KANSL1L: variants seen among roughly 807,000 people sequenced by gnomAD.
The protein encoded by KANSL1L is KAT8 regulatory NSL complex subunit 1-like protein.
KANSL1L carries 25 observed loss-of-function variants against 108.6 expected under a neutral mutation model. The observed-to-expected ratio is 0.23, with a 90% CI of 0.17 to 0.32. The LOEUF (loss-of-function observed/expected upper bound fraction) is 0.32, where lower values mean the gene tolerates loss of function less well. KANSL1L is among the 10% of genes least tolerant of loss of function. KANSL1L has a pLI of 1.00. For synonymous variants in KANSL1L, 405 were observed against 395.1 expected, an observed-to-expected ratio of 1.03 and a Z score of -0.30; for missense variants, 1,137 against 1,125.7, an observed-to-expected ratio of 1.01 and a Z score of -0.14.
At chr2:210,132,895 G>C (rs2095134792) in intron 2 of KANSL1L, among the ~76,000 whole-genome samples, 1 of 152,134 alleles carries the variant, frequency 6.6e-6, no homozygotes, top group African/African-American at 2.4e-5. Flanking sequence ...TTTATTCCTT[G>C]AGTTTCAATG....
At chr2:210,025,858 A>G (rs1333627709) in intron 12 of KANSL1L, among the ~76,000 whole-genome samples, 2 of 152,006 alleles carry the variant, frequency 1.3e-5, no homozygotes, top group African/African-American at 2.4e-5. Flanking sequence ...CTTGTTTCCT[A>G]TTGGTTCATA....
chr2:210,027,691 C>G (rs2093956469), intron 11 of KANSL1L, among the ~76,000 whole-genome samples: 1 of 152,160 alleles, frequency 6.6e-6, no homozygotes, highest in South Asian at 2.1e-4. Context: ...GTATGTTTGC[C>G]AATTTCTTTG....
At chr2:210,076,443 TC>T (rs2094542968) in intron 5 of KANSL1L, among the ~76,000 whole-genome samples, 1 of 152,212 alleles carries the variant, frequency 6.6e-6, no homozygotes, top group African/African-American at 2.4e-5. Flanking sequence ...CATCTTGGCC[TC>T]CCAAAGTGCT....
At chr2:210,061,248 A>G (rs2094416842) in intron 6 of KANSL1L, among the ~76,000 whole-genome samples, 1 of 152,204 alleles carries the variant, frequency 6.6e-6, no homozygotes, top group African/African-American at 2.4e-5. Context: ...CCAATTACCT[A>G]CAACCCGCTT....
intron 2 of KANSL1L, among the ~76,000 whole-genome samples, chr2:210,138,730 T>C (rs1383895237): frequency 3.3e-5 from 5 of 152,176 alleles, no homozygotes; most frequent in Non-Finnish European, 7.3e-5. Flanking sequence ...ATATCCATCA[T>C]CTCATATACT....
At chr2:210,154,757 T>C in intron 1 of KANSL1L, 146 bp from the exon 2 acceptor site, 1 of 440,946 alleles carries the variant, frequency 2.3e-6, no homozygotes, top group Non-Finnish European at 3.8e-6. Context: ...CAACATTATT[T>C]CAACAAAGAT....
chr2:210,043,067 A>G (rs970154047), intron 7 of KANSL1L, among the ~76,000 whole-genome samples: 1 of 152,192 alleles, frequency 6.6e-6, no homozygotes, highest in Non-Finnish European at 1.5e-5. Flanking sequence ...TAGTTCCAAT[A>G]TAGACAAGAG....
chr2:210,023,740 G>T (rs1345547302), intron 14 of KANSL1L, among the ~76,000 whole-genome samples: 1 of 152,142 alleles, frequency 6.6e-6, no homozygotes, highest in Non-Finnish European at 1.5e-5. Context: ...AGCTAACTTT[G>T]GCCATGTAGC....
At position 210,025,138 on chromosome 2, in the gene KANSL1L, A is replaced by G; in HGVS notation, c.2530T>C (p.Trp844Arg). The G allele has an allele frequency of 1.2e-6, 2 of 1,613,336 alleles. No homozygotes were observed. Among genetic ancestry groups the G allele is most frequent in the Non-Finnish European group, 1.7e-6 (2 of 1,179,288 alleles). Residue 844 changes from tryptophan (W) to arginine (R), a missense_variant, in exon 13 of 15, where the codon TGG (tryptophan) becomes CGG (arginine). Coordinates refer to ENST00000281772, the MANE Select transcript of KANSL1L (RefSeq NM_152519.4). ...EEREQARWSLWEQSKWHRRNS... is the reference protein window; with the variant it reads ...EEREQARWSLREQSKWHRRNS... Reference sequence around the variant, plus strand: ...CTTCTGTGCCACTTGCTTTGCTCCCATAGTGACCACCTGGCTTGCTCTCTC... The same window carrying G: ...CTTCTGTGCCACTTGCTTTGCTCCCGTAGTGACCACCTGGCTTGCTCTCTC...
intron 13 of KANSL1L, 82 bp downstream of exon 13, chr2:210,025,022 C>G (rs2125113666): frequency 1.2e-6 from 1 of 835,710 alleles, no homozygotes; most frequent in East Asian, 2.4e-5. Flanking sequence ...TTCCTTTTTA[C>G]TGGTCTCACC....
At chr2:210,137,516 G>C (rs2095184987) in intron 2 of KANSL1L, among the ~76,000 whole-genome samples, 1 of 152,040 alleles carries the variant, frequency 6.6e-6, no homozygotes, top group Non-Finnish European at 1.5e-5. Flanking sequence ...TGCTGTAACA[G>C]AATGAATTAC....
At chr2:210,131,327 G>T (rs2095118126) in intron 2 of KANSL1L, among the ~76,000 whole-genome samples, 1 of 152,182 alleles carries the variant, frequency 6.6e-6, no homozygotes, top group South Asian at 2.1e-4. Context: ...GTAGATAAAA[G>T]AATGGATTCA....
At position 210,022,478 on chromosome 2, in the gene KANSL1L, GGT is replaced by G. The variant is rs149558434; in HGVS notation, c.*469_*470del. The G allele has an allele frequency of 5.2e-4, 81 of 157,250 alleles. No individual in the cohort carries two copies. The highest frequency in any genetic ancestry group is 3.5e-3 in the South Asian group (19 of 5,356). The allele number at this position is 157,250 out of a possible 1,614,324, so 9.7% of individuals were successfully genotyped here. Reference sequence around the variant, plus strand: ...GCCAGTGTTTTAAAAACTACATAGGGGTGTGTGTGTGTGTGTATGTTTATTTT... The same window carrying G: ...GCCAGTGTTTTAAAAACTACATAGGGGTGTGTGTGTGTGTATGTTTATTTT... On this transcript the variant is annotated 3_prime_UTR_variant, in exon 15 of 15. Coordinates refer to ENST00000281772, the MANE Select transcript of KANSL1L (RefSeq NM_152519.4).
intron 6 of KANSL1L, among the ~76,000 whole-genome samples, chr2:210,073,010 T>C (rs2094517872): frequency 6.6e-6 from 1 of 152,232 alleles, no homozygotes; most frequent in Non-Finnish European, 1.5e-5. Flanking sequence ...ATCATCAGTA[T>C]GGACTCATGA....
At chr2:210,056,625 C>T (rs1352555295) in intron 6 of KANSL1L, among the ~76,000 whole-genome samples, 2 of 152,120 alleles carry the variant, frequency 1.3e-5, no homozygotes, top group African/African-American at 4.8e-5. Flanking sequence ...GGGTTACAGG[C>T]ATGCACCACC....
chr2:210,034,155 A>T (rs932827627), intron 8 of KANSL1L, among the ~76,000 whole-genome samples: 6 of 152,204 alleles, frequency 3.9e-5, no homozygotes, highest in African/African-American at 1.4e-4. Flanking sequence ...GCATTATTCT[A>T]AACCCTAGGT....
At chr2:210,152,260 C>T (rs778973752) in intron 2 of KANSL1L, 5 of 152,034 alleles carry the variant, frequency 3.3e-5, no homozygotes, top group Admixed American at 6.6e-5. Context: ...GTAATAGATC[C>T]CCTGAAAACT....
At chr2:210,104,950 C>T (rs1310293456) in intron 3 of KANSL1L, among the ~76,000 whole-genome samples, 2 of 152,016 alleles carry the variant, frequency 1.3e-5, no homozygotes, top group African/African-American at 4.8e-5. Flanking sequence ...GGGGTATATT[C>T]TGAAATGTAA....
chr2:210,069,317 T>A (rs1411258398), intron 6 of KANSL1L, among the ~76,000 whole-genome samples: 2 of 152,220 alleles, frequency 1.3e-5, no homozygotes, highest in African/African-American at 2.4e-5. Context: ...CTGTTCATGA[T>A]GATATACATA....
Sources: allele counts gnomAD v4.1 joint callset (sites outside exome capture counted in the v4.1 genomes callset), GRCh38; gene constraint gnomAD v4.1.1; transcripts MANE v1.5; gene names NCBI Gene and HGNC (gene_info 2026-07-23, HGNC 2026-07-21).